The following PPP2R5D variants were observed in gnomAD, a reference collection of about 807,000 sequenced individuals.
PPP2R5D encodes the protein serine/threonine-protein phosphatase 2A 56 kDa regulatory subunit delta isoform.
PPP2R5D carries 12 observed loss-of-function variants against 79.1 expected under a neutral mutation model. That is an observed-to-expected ratio of 0.15 (90% confidence interval 0.10 to 0.25). The LOEUF (loss-of-function observed/expected upper bound fraction) is 0.25, where lower values mean the gene tolerates loss of function less well. Ranked by LOEUF, PPP2R5D falls within the 10% of genes least tolerant of loss-of-function variation. PPP2R5D has a pLI of 1.00. For synonymous variants in PPP2R5D, 277 were observed against 286.6 expected, an observed-to-expected ratio of 0.97 and a Z score of 0.34; for missense variants, 419 against 760.2, an observed-to-expected ratio of 0.55 and a Z score of 5.28.
chr6:43,004,712 T>A (rs1761968173), intron 2 of PPP2R5D, among the ~76,000 whole-genome samples: 1 of 151,614 alleles, frequency 6.6e-6, no homozygotes. Context: ...ACTATGAACG[T>A]GAAAATATTT....
At chr6:42,998,042 TATATATATATATATA>T (rs1311591130) in intron 2 of PPP2R5D, among the ~76,000 whole-genome samples, 16 of 27,494 alleles carry the variant, frequency 5.8e-4, no homozygotes, top group South Asian at 1.6e-3. Flanking sequence ...TATATATATA[TATATATATATATATA>T]TTTTTTTTTT....
chr6:43,012,167 T>C lies in PPP2R5D; in HGVS notation c.*881T>C. The C allele has an allele frequency of 9.2e-7, 1 of 1,088,170 alleles. No individual in the cohort carries two copies. Among genetic ancestry groups the C allele is most frequent in the Non-Finnish European group, 1.1e-6 (1 of 894,452 alleles). 67.4% of individuals were successfully genotyped at this position (1,088,170 alleles called of 1,614,324 possible). ...CTTCTCTTGTCCCTTATAGGTACCT[T>C]GGAGGGGCCAGGGGCTGAGGAAGGC... On this transcript the variant is annotated 3_prime_UTR_variant, in exon 16 of 16. Coordinates refer to ENST00000485511, the MANE Select transcript of PPP2R5D (RefSeq NM_006245.4).
At chr6:42,997,598 C>T (rs1771797213) in intron 2 of PPP2R5D, among the ~76,000 whole-genome samples, 1 of 152,106 alleles carries the variant, frequency 6.6e-6, no homozygotes, top group Non-Finnish European at 1.5e-5. Flanking sequence ...CAATATCTAC[C>T]TCCCGGGTTC....
At position 43,008,165 on chromosome 6, in the gene PPP2R5D, CAG is replaced by C; in HGVS notation, c.858-35_858-34del. The C allele has an allele frequency of 6.2e-7, 1 of 1,613,120 alleles. No individual in the cohort carries two copies. The highest frequency in any genetic ancestry group is 8.5e-7 in the Non-Finnish European group (1 of 1,179,766). Reference sequence around the variant, plus strand: ...ACTGTACAGAATGCTGGAGGGACATCAGGGGTTGTCAAGAGAGCCATTTTTCT... The same window carrying C: ...ACTGTACAGAATGCTGGAGGGACATCGGGTTGTCAAGAGAGCCATTTTTCT... On this transcript the variant is annotated intron_variant, in intron 7 of 15. Transcript: ENST00000485511. This position sits in a 1 kb window ranked among gnomAD's most constrained non-coding sequence, Gnocchi z 4.2.
In PPP2R5D at chr6:42,985,781, T is replaced by C. The variant is rs113566957; in HGVS notation, c.27+1077T>C. Among the ~76,000 whole-genome samples the C allele has an allele frequency of 8.2e-3, 1,232 of 150,670 alleles. 20 individuals are homozygous for C. Among genetic ancestry groups the C allele is most frequent in the African/African-American group, 0.029 (1,173 of 40,978 alleles). ...GTCCTGACACAGGCCATTTCTTTTTTTTTTTTTTTTTTTGAGATGGAATTT... is the reference window on the plus strand; with the variant it reads ...GTCCTGACACAGGCCATTTCTTTTTCTTTTTTTTTTTTTGAGATGGAATTT... On this transcript the variant is annotated intron_variant, in intron 1 of 15. Transcript: ENST00000485511.
Position 43,012,334 on chromosome 6 carries a change from C to T in PPP2R5D, c.*1048C>T, listed in dbSNP as rs1443593360. On this transcript the variant is annotated 3_prime_UTR_variant, in exon 16 of 16. Coordinates refer to ENST00000485511, the MANE Select transcript of PPP2R5D (RefSeq NM_006245.4). ...ATGTACAGAACTGAATAAAGTGGGT[C>T]TCTGAGAAGTCTGATGTGCCTTGAT... is the stretch of plus-strand genomic sequence containing the variant. 3 of 1,471,694 alleles carry T rather than the reference C, an allele frequency of 2.0e-6. No individual in the cohort carries two copies. The highest frequency in any genetic ancestry group is 2.8e-5 in the African/African-American group (2 of 70,634). 91.2% of individuals were successfully genotyped at this position (1,471,694 alleles called of 1,614,324 possible).
At position 43,007,260 on chromosome 6, in the gene PPP2R5D, C is replaced by T. The variant is rs367737499; in HGVS notation, c.587C>T (p.Pro196Leu). 6.2e-7 allele frequency: 1 copy of T among 1,614,026 alleles called. No individual in the cohort carries two copies. The highest frequency in any genetic ancestry group is 1.3e-5 in the African/African-American group (1 of 74,904). Reference protein sequence around the residue: ...SSNPTGAEFDPEEDEPTLEAA... With the variant: ...SSNPTGAEFDLEEDEPTLEAA... ...AATCCCACAGGGGCTGAGTTTGACC[C>T]AGAGGAAGATGAGCCCACCCTGGAA... Residue 196 changes from proline to leucine, a missense_variant, in exon 5 of 16, where the codon CCA becomes CTA. Physicochemically the swap from Pro to Leu is moderately conservative, Grantham distance 98. Transcript: ENST00000485511. The surrounding 1 kb of genome is among the most constrained non-coding windows in gnomAD (Gnocchi z 4.5).
At chr6:42,986,121 A>G (rs900910570) in intron 1 of PPP2R5D, among the ~76,000 whole-genome samples, 52 of 150,986 alleles carry the variant, frequency 3.4e-4, no homozygotes, top group African/African-American at 1.2e-3. Flanking sequence ...TTCCTCATCT[A>G]CCTCGGTGCT....
chr6:43,000,486 A>G (rs1581834143), intron 2 of PPP2R5D, among the ~76,000 whole-genome samples: 1 of 151,708 alleles, frequency 6.6e-6, no homozygotes, highest in Non-Finnish European at 1.5e-5. Flanking sequence ...CAAGTGATCC[A>G]CCCGCCTTGG....
chr6:42,990,856 C>T (rs1484661070), intron 2 of PPP2R5D, among the ~76,000 whole-genome samples: 1 of 151,778 alleles, frequency 6.6e-6, no homozygotes, highest in African/African-American at 2.4e-5. Context: ...ATTACAGGCG[C>T]ATGCCACCAT....
chr6:42,990,699 C>CTTTTTTTTTT lies in PPP2R5D; in HGVS notation c.105+1029_105+1038dup, dbSNP rs70990164. 3.7e-4 allele frequency among the ~76,000 whole-genome samples: 19 copies of CTTTTTTTTTT among 51,574 alleles called. 4 individuals carry two copies. Among genetic ancestry groups the CTTTTTTTTTT allele is most frequent in the East Asian group, 2.1e-3 (3 of 1,414 alleles). 33.8% of individuals were successfully genotyped at this position (51,574 alleles called of 152,430 possible). On this transcript the variant is annotated intron_variant, in intron 2 of 15. Coordinates refer to ENST00000485511, the MANE Select transcript of PPP2R5D (RefSeq NM_006245.4). ...TCCTCTGCACTTATGCAGTATTCTA[C>CTTTTTTTTTT]TTTTTTTTTTTTTTTTTTTTTTTTT...
In PPP2R5D at chr6:43,007,535, T is replaced by A. The variant is rs201759203; in HGVS notation, c.726+29T>A. ...AGTCCCCGAGTTCCTGTCCTTGCCC[T>A]CTCTTTCCATTCCATGCCCCCTTCA... On this transcript the variant is annotated intron_variant, in intron 6 of 15. Coordinates refer to ENST00000485511, the MANE Select transcript of PPP2R5D (RefSeq NM_006245.4). The surrounding 1 kb of genome is among the most constrained non-coding windows in gnomAD (Gnocchi z 4.5). The A allele has an allele frequency of 6.5e-7, 1 of 1,544,134 alleles. No individual in the cohort carries two copies. Among genetic ancestry groups the A allele is most frequent in the East Asian group, 2.2e-5 (1 of 44,544 alleles).
intron 2 of PPP2R5D, among the ~76,000 whole-genome samples, chr6:43,001,612 C>T (rs1037821275): frequency 7.2e-5 from 11 of 151,782 alleles, no homozygotes; most frequent in African/African-American, 2.4e-4. Flanking sequence ...GGGCTGGGCA[C>T]GGTGGCTCAC....
intron 2 of PPP2R5D, among the ~76,000 whole-genome samples, chr6:42,995,689 A>G (rs1390973851): frequency 6.7e-6 from 1 of 149,972 alleles, no homozygotes; most frequent in Non-Finnish European, 1.5e-5. Flanking sequence ...AGTAGCTGGG[A>G]CTACAGGCAC....
chr6:42,999,634 C>T (rs1157549110), intron 2 of PPP2R5D, among the ~76,000 whole-genome samples: 1 of 152,098 alleles, frequency 6.6e-6, no homozygotes, highest in South Asian at 2.1e-4. Context: ...GGCACGATTT[C>T]GGCTCACTGC....
chr6:43,002,195 G>A (rs1023714085), intron 2 of PPP2R5D, among the ~76,000 whole-genome samples: 5 of 148,410 alleles, frequency 3.4e-5, no homozygotes, highest in African/African-American at 1.2e-4. Flanking sequence ...TCGGAGTCTC[G>A]CCCTATCACC....
At chr6:43,005,507 C>T (rs150236637) in intron 2 of PPP2R5D, among the ~76,000 whole-genome samples, 2 of 152,124 alleles carry the variant, frequency 1.3e-5, no homozygotes, top group Non-Finnish European at 2.9e-5. Context: ...GGTCTTGCTA[C>T]GTTGTTCAGG....
At chr6:42,999,813 G>A (rs778544477) in intron 2 of PPP2R5D, among the ~76,000 whole-genome samples, 3 of 151,370 alleles carry the variant, frequency 2.0e-5, no homozygotes, top group Non-Finnish European at 4.4e-5. Flanking sequence ...TGCCCGCCTC[G>A]GCCTCCCAAA....
chr6:43,011,511 A>G lies in PPP2R5D; in HGVS notation c.*225A>G. 1.7e-6 allele frequency: 1 copy of G among 600,864 alleles called. No homozygotes were observed. The highest frequency in any genetic ancestry group is 2.9e-6 in the Non-Finnish European group (1 of 346,176). 37.2% of individuals were successfully genotyped at this position (600,864 alleles called of 1,614,324 possible). ...TGTGGCTAGTACAGGCTGAGCACTA[A>G]GATGCTTAGTGCTCAGACAACCTGG... On this transcript the variant is annotated 3_prime_UTR_variant, in exon 16 of 16. Transcript: ENST00000485511.
Sources: gnomAD v4.1 joint callset for allele counts (sites outside exome capture counted in the v4.1 genomes callset) on GRCh38, gnomAD v4.1.1 for gene constraint, Gnocchi (gnomAD v3.1) non-coding constraint, MANE v1.5 for transcripts, NCBI Gene and HGNC (gene_info 2026-07-23, HGNC 2026-07-21) for gene names.